FUT8: variants seen among roughly 807,000 people sequenced by gnomAD.
The protein encoded by FUT8 is alpha-(1,6)-fucosyltransferase.
In FUT8, 29 loss-of-function variants were observed where a neutral mutation model predicts 71.3. That is an observed-to-expected ratio of 0.41 (90% CI 0.30 to 0.55). The LOEUF is 0.55. FUT8 is among the 20% of genes least tolerant of loss of function. The probability of loss-of-function intolerance (pLI) is 0.34; values close to 1 mark genes in which losing one functional copy is unlikely to be tolerated. For missense variants in FUT8, 544 were observed against 702.1 expected (o/e 0.77, Z 2.55); for synonymous variants, 254 against 239.3 (o/e 1.06, Z -0.57).
intron 7 of FUT8, among the ~76,000 whole-genome samples, chr14:65,689,890 T>C (rs1893489462): frequency 6.6e-6 from 1 of 152,246 alleles, no homozygotes; most frequent in Admixed American, 6.5e-5. Context: ...TTTTATTTTA[T>C]GGATTGTGCT....
intron 6 of FUT8, among the ~76,000 whole-genome samples, chr14:65,657,077 C>T (rs1215868911): frequency 1.3e-5 from 2 of 152,168 alleles, no homozygotes; most frequent in Non-Finnish European, 2.9e-5. Context: ...CTCTCCAGGA[C>T]ACTGGTTTGA....
intron 7 of FUT8, among the ~76,000 whole-genome samples, chr14:65,688,156 T>C (rs1893391239): frequency 2.0e-5 from 3 of 152,162 alleles, no homozygotes; most frequent in Admixed American, 6.5e-5. Flanking sequence ...TTCTCTTGCT[T>C]TTGCCAAATG....
intron 3 of FUT8, among the ~76,000 whole-genome samples, chr14:65,582,214 C>T (rs1318635128): frequency 6.6e-6 from 1 of 151,944 alleles, no homozygotes; most frequent in Non-Finnish European, 1.5e-5. Context: ...GGTTGTATAT[C>T]CATATTCTAT....
chr14:65,658,250 T>C (rs779626618), intron 6 of FUT8, among the ~76,000 whole-genome samples: 16 of 152,148 alleles, frequency 1.1e-4, no homozygotes, highest in Non-Finnish European at 1.9e-4. Flanking sequence ...GCAAAAGACA[T>C]GATGAGATAC....
At chr14:65,563,145 T>G (rs565048988) in intron 3 of FUT8, among the ~76,000 whole-genome samples, 1 of 152,146 alleles carries the variant, frequency 6.6e-6, no homozygotes, top group Admixed American at 6.6e-5. Flanking sequence ...CTTCTTGAAT[T>G]TGTCTATTAT....
At chr14:65,675,652 A>G (rs1325131636) in intron 7 of FUT8, among the ~76,000 whole-genome samples, 1 of 152,134 alleles carries the variant, frequency 6.6e-6, no homozygotes, top group Non-Finnish European at 1.5e-5. Context: ...TTTACCTTCT[A>G]GGTTATTTAC....
At chr14:65,494,119 G>C (rs1330747801) in intron 2 of FUT8, among the ~76,000 whole-genome samples, 2 of 152,122 alleles carry the variant, frequency 1.3e-5, no homozygotes, top group African/African-American at 4.8e-5. Context: ...CAATAGAAAT[G>C]TAGAGTGAAC....
intron 2 of FUT8, among the ~76,000 whole-genome samples, chr14:65,480,349 C>T (rs1410840105): frequency 6.8e-6 from 1 of 146,994 alleles, no homozygotes; most frequent in Non-Finnish European, 1.5e-5. Context: ...CACTCTGTCA[C>T]CCAGGCTGGA....
At chr14:65,479,570 C>T (rs2066298005) in intron 2 of FUT8, 1 of 152,152 alleles carries the variant, frequency 6.6e-6, no homozygotes, top group Non-Finnish European at 1.5e-5. Flanking sequence ...TCTTTCCTTT[C>T]TCCTTCTCCT....
At chr14:65,623,588 C>T (rs1343898322) in intron 5 of FUT8, among the ~76,000 whole-genome samples, 1 of 152,082 alleles carries the variant, frequency 6.6e-6, no homozygotes, top group Non-Finnish European at 1.5e-5. Context: ...GCATGTAGCT[C>T]ATGCCTGTAA....
chr14:65,405,920 T>C (rs145034262), upstream of FUT8, among the ~76,000 whole-genome samples: 357 of 152,344 alleles, frequency 2.3e-3, 7 homozygotes, highest in East Asian at 0.064. Flanking sequence ...TTGGGTCAGG[T>C]GTCCCCCTCT....
intron 1 of FUT8, among the ~76,000 whole-genome samples, chr14:65,415,046 C>CAAATTCTTACCAGTTA (rs2065198901): frequency 6.6e-6 from 1 of 152,118 alleles, no homozygotes; most frequent in Admixed American, 6.6e-5. Context: ...TGTTTTGTTG[C>CAAATTCTTACCAGTTA]AAATTCTTAC....
chr14:65,512,781 C>T (rs973645016), intron 2 of FUT8, among the ~76,000 whole-genome samples: 4 of 151,442 alleles, frequency 2.6e-5, no homozygotes, highest in South Asian at 2.1e-4. Context: ...TGGTGGCGGG[C>T]GCCTGTAATC....
At chr14:65,508,755 G>A (rs748832971) in intron 2 of FUT8, among the ~76,000 whole-genome samples, 2 of 151,320 alleles carry the variant, frequency 1.3e-5, no homozygotes, top group Non-Finnish European at 1.5e-5. Context: ...ACCCGCTTCC[G>A]CCTCCCAAAG....
the FUT8 span, among the ~76,000 whole-genome samples, chr14:65,361,766 G>A: frequency 2.6e-5 from 4 of 152,012 alleles, no homozygotes; most frequent in East Asian, 1.9e-4. Context: ...CAGCCTGGGC[G>A]ACAGAGCAAG....
the FUT8 span, among the ~76,000 whole-genome samples, chr14:65,402,242 C>G: frequency 1.2e-4 from 17 of 139,376 alleles, no homozygotes; most frequent in African/African-American, 4.6e-4. Context: ...CTTGTTCTGT[C>G]CCACAGGCTG....
intron 6 of FUT8, among the ~76,000 whole-genome samples, chr14:65,665,783 G>C (rs1892183624): frequency 6.6e-6 from 1 of 152,072 alleles, no homozygotes; most frequent in Non-Finnish European, 1.5e-5. Flanking sequence ...TCCTTTGCAG[G>C]GACATGGATG....
At chr14:65,501,343 A>G (rs1417707545) in intron 2 of FUT8, among the ~76,000 whole-genome samples, 2 of 152,224 alleles carry the variant, frequency 1.3e-5, no homozygotes, top group Non-Finnish European at 2.9e-5. Context: ...ATTTGCAGGA[A>G]TTAGCCACTA....
chr14:65,379,724 T>C, the FUT8 span, among the ~76,000 whole-genome samples: 7 of 152,338 alleles, frequency 4.6e-5, no homozygotes, highest in Admixed American at 6.5e-5. Flanking sequence ...TGTGCTGCTA[T>C]AACAGGATAC....
Sources: gnomAD v4.1 joint callset for allele counts (sites outside exome capture counted in the v4.1 genomes callset) on GRCh38, gnomAD v4.1.1 for gene constraint, MANE v1.5 for transcripts, NCBI Gene and HGNC (gene_info 2026-07-23, HGNC 2026-07-21) for gene names.